The following ROR2 variants were observed in gnomAD, a reference collection of about 807,000 sequenced individuals.
The protein encoded by ROR2 is tyrosine-protein kinase transmembrane receptor ROR2.
A neutral mutation model predicts 74.9 loss-of-function variants in ROR2; 33 were observed. The observed-to-expected ratio is 0.44, with a 90% confidence interval of 0.33 to 0.59. The LOEUF is 0.59. ROR2 is among the 20% of genes least tolerant of loss of function. The pLI is 0.02. For synonymous variants in ROR2, 586 were observed against 558.7 expected, an observed-to-expected ratio of 1.05 and a Z score of -0.69; for missense variants, 1,216 against 1,313.8, an observed-to-expected ratio of 0.93 and a Z score of 1.15.
intron 2 of ROR2, among the ~76,000 whole-genome samples, chr9:91,760,131 C>A (rs1226298662): frequency 6.6e-6 from 1 of 152,216 alleles, no homozygotes; most frequent in African/African-American, 2.4e-5. Flanking sequence ...TTGGCCAAGG[C>A]CACTCCTCAG....
chr9:91,911,042 C>A (rs1023533753), intron 1 of ROR2, among the ~76,000 whole-genome samples: 14 of 152,218 alleles, frequency 9.2e-5, no homozygotes, highest in African/African-American at 2.2e-4. Context: ...CACTATTAGT[C>A]ATTCACTACA....
At chr9:91,942,665 G>A (rs1831905770) in intron 1 of ROR2, among the ~76,000 whole-genome samples, 2 of 152,098 alleles carry the variant, frequency 1.3e-5, no homozygotes, top group South Asian at 4.2e-4. Flanking sequence ...CTTTCCAGTA[G>A]TAATAAGGAA....
At chr9:91,859,197 CTT>C (rs541283275) in intron 1 of ROR2, among the ~76,000 whole-genome samples, 18 of 121,312 alleles carry the variant, frequency 1.5e-4, no homozygotes, top group African/African-American at 2.9e-4. Flanking sequence ...GAAAGTATTC[CTT>C]TTTTTTTTTT....
At chr9:91,854,698 G>C (rs1829222251) in intron 1 of ROR2, among the ~76,000 whole-genome samples, 1 of 152,246 alleles carries the variant, frequency 6.6e-6, no homozygotes, top group African/African-American at 2.4e-5. Flanking sequence ...GGGCTGCAAA[G>C]TGGAAGGCGG....
intron 1 of ROR2, among the ~76,000 whole-genome samples, chr9:91,822,232 G>A (rs1047346594): frequency 6.6e-6 from 1 of 152,212 alleles, no homozygotes; most frequent in African/African-American, 2.4e-5. Flanking sequence ...CCTGGAGGCA[G>A]TGGCCACTCA....
At chr9:91,840,392 T>TC (rs1347322480) in intron 1 of ROR2, among the ~76,000 whole-genome samples, 2 of 151,982 alleles carry the variant, frequency 1.3e-5, no homozygotes, top group Non-Finnish European at 2.9e-5. Flanking sequence ...AACAAACACT[T>TC]CCAAAGGCAC....
intron 1 of ROR2, among the ~76,000 whole-genome samples, chr9:91,842,263 G>A (rs933265807): frequency 2.0e-5 from 3 of 152,186 alleles, no homozygotes; most frequent in Non-Finnish European, 4.4e-5. Flanking sequence ...GCATACTCCT[G>A]ATCCCCAAGT....
intron 1 of ROR2, among the ~76,000 whole-genome samples, chr9:91,926,543 C>CAAAAAAAAAAAAAAAA (rs34550588): frequency 2.0e-5 from 2 of 101,162 alleles, no homozygotes; most frequent in East Asian, 2.9e-4. Context: ...GACTCCATCT[C>CAAAAAAAAAAAAAAAA]AAAAAAAAAA....
intron 1 of ROR2, among the ~76,000 whole-genome samples, chr9:91,823,592 A>T (rs1003200599): frequency 1.7e-4 from 26 of 152,116 alleles, no homozygotes; most frequent in African/African-American, 6.3e-4. Context: ...AGCCTCAGCA[A>T]CAAATTTTTA....
intron 1 of ROR2, among the ~76,000 whole-genome samples, chr9:91,929,233 G>A (rs959600779): frequency 1.3e-5 from 2 of 152,222 alleles, no homozygotes; most frequent in Non-Finnish European, 2.9e-5. Context: ...TTGTAAAACA[G>A]GCTGCACCAG....
At chr9:91,746,497 G>A (rs1192723011) in intron 4 of ROR2, among the ~76,000 whole-genome samples, 2 of 152,306 alleles carry the variant, frequency 1.3e-5, no homozygotes, top group South Asian at 2.1e-4. Context: ...AAAACTCCCC[G>A]AAAATAGCAA....
chr9:91,838,513 G>A (rs1182355681), intron 1 of ROR2, among the ~76,000 whole-genome samples: 2 of 152,118 alleles, frequency 1.3e-5, no homozygotes, highest in African/African-American at 2.4e-5. Flanking sequence ...GACAAGACAC[G>A]AAAACACCCT....
intron 1 of ROR2, among the ~76,000 whole-genome samples, chr9:91,814,605 C>G (rs557804970): frequency 3.6e-4 from 55 of 152,340 alleles, no homozygotes; most frequent in African/African-American, 1.3e-3. Context: ...AAGAAATCCA[C>G]AAATTAAAGA....
chr9:91,781,249 C>T (rs1177619949), intron 1 of ROR2, among the ~76,000 whole-genome samples: 2 of 152,158 alleles, frequency 1.3e-5, no homozygotes, highest in Non-Finnish European at 1.5e-5. Context: ...GAGAAAGTGA[C>T]GGTGCTGCAA....
At chr9:91,758,582 C>T (rs529127007) in intron 2 of ROR2, among the ~76,000 whole-genome samples, 12 of 152,276 alleles carry the variant, frequency 7.9e-5, no homozygotes, top group Middle Eastern at 3.4e-3. Context: ...AGCAGTCCCG[C>T]GCACACACAC....
intron 2 of ROR2, among the ~76,000 whole-genome samples, chr9:91,771,291 G>A (rs984461619): frequency 2.6e-5 from 4 of 152,126 alleles, no homozygotes; most frequent in South Asian, 4.2e-4. Context: ...ACATCACCCC[G>A]CCCCAGCCTT....
At chr9:91,822,366 T>A (rs1318089987) in intron 1 of ROR2, among the ~76,000 whole-genome samples, 1 of 152,162 alleles carries the variant, frequency 6.6e-6, no homozygotes, top group African/African-American at 2.4e-5. Flanking sequence ...CAAGGTGAGC[T>A]GGGGTACCTC....
chr9:91,780,130 G>A (rs1020540299), intron 1 of ROR2, among the ~76,000 whole-genome samples: 4 of 152,212 alleles, frequency 2.6e-5, no homozygotes, highest in South Asian at 2.1e-4. Flanking sequence ...AGTGGCTCAC[G>A]CCTGTAATCC....
intron 1 of ROR2, among the ~76,000 whole-genome samples, chr9:91,856,993 G>C (rs1361712354): frequency 6.6e-6 from 1 of 152,250 alleles, no homozygotes; most frequent in Non-Finnish European, 1.5e-5. Flanking sequence ...CAGGGCCCCT[G>C]TCTTGAGTCT....
Sources: gnomAD v4.1 joint callset for allele counts (sites outside exome capture counted in the v4.1 genomes callset) on GRCh38, gnomAD v4.1.1 for gene constraint, MANE v1.5 for transcripts, NCBI Gene and HGNC (gene_info 2026-07-23, HGNC 2026-07-21) for gene names.